Variants in PGA3 observed in about 807,000 individuals in gnomAD.
PGA3 encodes pepsin A-3.
A neutral mutation model predicts 15.6 loss-of-function variants in PGA3; 1 was observed. That is an observed-to-expected ratio of 0.06 (90% CI 0.02 to 0.30). The LOEUF is 0.30. PGA3 is among the 10% of genes least tolerant of loss of function. PGA3 has a pLI of 1.00. For missense variants in PGA3, 29 were observed against 183.7 expected (o/e 0.16, Z 4.87); for synonymous variants, 14 against 79.5 (o/e 0.18, Z 4.38).
At chr11:61,207,997 G>GGGTCTGT in intron 4 of PGA3, 1 of 107,370 alleles carries the variant, frequency 9.3e-6, no homozygotes. Context: ...CTGGGGTCTG[G>GGGTCTGT]GGTCTGCTTT....
rs1192228736 is a variant in PGA3 at position 61,204,123 on chromosome 11, A to C, written c.73A>C (p.Lys25Gln). ...AAACCACAGGGTCCCCCTCATCAGA[A>C]AGAAGTCCTTGAGGCGCACCCTGTC... is the stretch of plus-strand genomic sequence containing the variant. Reference protein sequence around the residue: ...CIMYKVPLIRKKSLRRTLSER... With the variant: ...CIMYKVPLIRQKSLRRTLSER... The change falls in exon 2 of 9, where the codon AAG becomes CAG. Residue 25 changes from lysine to glutamine, a missense_variant. This residue lies in a region of PGA3 where 19 missense variants were observed against 77.9 expected (regional missense o/e 0.24). Transcript: ENST00000325558. 1.5e-6 allele frequency: 2 copies of C among 1,333,288 alleles called. No individual in the cohort carries two copies. The highest frequency in any genetic ancestry group is 3.7e-5 in the Admixed American group (2 of 53,502). 82.6% of individuals were successfully genotyped at this position (1,333,288 alleles called of 1,614,324 possible). A position where few individuals can be genotyped will look rare whatever the true frequency, so the allele number is the denominator to read the frequency against.
At chr11:61,205,462 A>G (rs1313713830) in intron 2 of PGA3, among the ~76,000 whole-genome samples, 13 of 152,196 alleles carry the variant, frequency 8.5e-5, no homozygotes, top group Admixed American at 2.6e-4. Context: ...CAAATTAATT[A>G]ATTGGACTAT....
intron 4 of PGA3, 27 bp downstream of exon 4, chr11:61,207,642 TCCC>T: frequency 1.6e-6 from 1 of 642,834 alleles, no homozygotes; most frequent in Non-Finnish European, 2.9e-6. Context: ...TGCCGCTGCA[TCCC>T]CCCATCAGGC....
chr11:61,211,661 G>A (rs2134695166), intron 8 of PGA3, among the ~76,000 whole-genome samples: 1 of 150,590 alleles, frequency 6.6e-6, no homozygotes, highest in East Asian at 1.9e-4. Context: ...AAAGGTTAAT[G>A]GAGTGAAAAG....
At chr11:61,203,769 G>C (rs1268950254) in intron 1 of PGA3, 149 bp downstream of exon 1, 9 of 1,308,946 alleles carry the variant, frequency 6.9e-6, no homozygotes, top group Non-Finnish European at 8.6e-6. Flanking sequence ...TTGGGAGGCA[G>C]CCCTGCAGAC....
At chr11:61,205,189 A>G (rs1304242088) in intron 2 of PGA3, among the ~76,000 whole-genome samples, 5 of 151,940 alleles carry the variant, frequency 3.3e-5, no homozygotes, top group African/African-American at 7.3e-5. Flanking sequence ...ATCTACCGTC[A>G]GAGGATGTTG....
At chr11:61,204,596 A>G in intron 2 of PGA3, 1 of 589,930 alleles carries the variant, frequency 1.7e-6, no homozygotes, top group East Asian at 2.8e-5. Flanking sequence ...TCGCAAAGCA[A>G]TGAAAGGAAC....
chr11:61,205,117 C>G (rs1268121391), intron 2 of PGA3, among the ~76,000 whole-genome samples: 3 of 152,024 alleles, frequency 2.0e-5, no homozygotes, highest in Non-Finnish European at 2.9e-5. Flanking sequence ...GCCACAGGAC[C>G]TTGGCCAAGT....
chr11:61,203,582 G>C lies in PGA3; in HGVS notation c.18G>C (p.Leu6=). 1 of 1,611,286 alleles carries C rather than the reference G, an allele frequency of 6.2e-7. No individual in the cohort carries two copies. Among genetic ancestry groups the C allele is most frequent in the Non-Finnish European group, 8.5e-7 (1 of 1,179,488 alleles). ...GAAGAACCATGAAGTGGCTGCTGCT[G>C]CTGGGTCTGGTGGCACTCTCTGAGT... MKWLL[L]LGLVALSECI... Residue 6 remains leucine, a synonymous_variant, in exon 1 of 9, where the codon CTG becomes CTC. Coordinates refer to ENST00000325558, the MANE Select transcript of PGA3 (RefSeq NM_001079807.4).
At chr11:61,205,903 A>T (rs1853921996) in intron 2 of PGA3, 1 of 94,778 alleles carries the variant, frequency 1.1e-5, no homozygotes, top group Admixed American at 9.9e-5. Context: ...AGGTTGAGGC[A>T]GGAGAATCAC....
At chr11:61,211,722 C>T (rs1353665026) in intron 8 of PGA3, among the ~76,000 whole-genome samples, 1 of 150,306 alleles carries the variant, frequency 6.7e-6, no homozygotes, top group African/African-American at 2.4e-5. Context: ...AATTACTAGC[C>T]CATTGATTCT....
chr11:61,205,526 C>T (rs1339584954), intron 2 of PGA3, among the ~76,000 whole-genome samples: 1 of 151,654 alleles, frequency 6.6e-6, no homozygotes, highest in East Asian at 1.9e-4. Context: ...TCACGGAAGG[C>T]CTGTTGGCAG....
At chr11:61,205,539 G>A (rs1216784373) in intron 2 of PGA3, 19 of 151,528 alleles carry the variant, frequency 1.3e-4, no homozygotes, top group Non-Finnish European at 2.5e-4. Flanking sequence ...GTTGGCAGAG[G>A]GGACATTTGA....
chr11:61,205,992 T>C (rs61899469), intron 2 of PGA3: 49,742 of 124,406 alleles, frequency 0.4, 4,448 homozygotes, highest in African/African-American at 0.53. Flanking sequence ...GTGAGACTTG[T>C]CTCAAAAAAA....
intron 2 of PGA3, chr11:61,204,472 C>T (rs1488503574): frequency 2.0e-5 from 9 of 455,168 alleles, no homozygotes; most frequent in South Asian, 1.6e-4. Flanking sequence ...CTCGTTCATG[C>T]AATGTTAATT....
intron 2 of PGA3, chr11:61,206,098 G>T (rs1372586551): frequency 4.5e-6 from 1 of 223,510 alleles, no homozygotes; most frequent in African/African-American, 2.7e-5. Context: ...TCTTTAAGTG[G>T]CTTGCTTAGC....
intron 2 of PGA3, among the ~76,000 whole-genome samples, chr11:61,205,508 T>C (rs1452905380): frequency 6.6e-6 from 1 of 151,970 alleles, no homozygotes; most frequent in East Asian, 1.9e-4. Context: ...CAAATTTAGA[T>C]AAAGTGGTCA....
rs567695900 is a variant in PGA3 at position 61,205,195 on chromosome 11, T to A, written c.219+926T>A. ...ACCACTAATATCTACCGTCAGAGGA[T>A]GTTGCCAGGAATTAACACGATCATG... On this transcript the variant is annotated intron_variant, in intron 2 of 8. Transcript: ENST00000325558. Among the ~76,000 whole-genome samples, 11 of 152,032 alleles carry A rather than the reference T, an allele frequency of 7.2e-5. No individual in the cohort carries two copies. In the South Asian group the frequency reaches 2.3e-3, roughly 32 times the overall value.
chr11:61,205,769 G>A (rs1310676106), intron 2 of PGA3: 25 of 112,364 alleles, frequency 2.2e-4, no homozygotes, highest in Admixed American at 1.9e-3. Flanking sequence ...TGGCGGAGGC[G>A]GGTGGATCAC....
Sources: gnomAD v4.1 joint callset for allele counts (sites outside exome capture counted in the v4.1 genomes callset) on GRCh38, gnomAD v4.1.1 for gene constraint, gnomAD v4.1.1 regional missense constraint, MANE v1.5 for transcripts, NCBI Gene and HGNC (gene_info 2026-07-23, HGNC 2026-07-21) for gene names.